PCF11: variants seen among roughly 807,000 people sequenced by gnomAD.
PCF11 encodes the protein PCF11 cleavage and polyadenylation factor subunit, also known as pre-mRNA cleavage complex 2 protein Pcf11.
A neutral mutation model predicts 166.1 loss-of-function variants in PCF11; 19 were observed. The ratio of observed to expected loss-of-function variants is 0.11; its 90% CI spans 0.08 to 0.17. The LOEUF (loss-of-function observed/expected upper bound fraction) is 0.17, where lower values mean the gene tolerates loss of function less well. Ranked by LOEUF, PCF11 falls within the 10% of genes least tolerant of loss-of-function variation. The probability of loss-of-function intolerance (pLI) is 1.00; values close to 1 mark genes in which losing one functional copy is unlikely to be tolerated. For missense variants in PCF11, 1,565 were observed against 1,855.5 expected, an observed-to-expected ratio of 0.84 and a Z score of 2.88; for synonymous variants, 663 against 644.1, an observed-to-expected ratio of 1.03 and a Z score of -0.44.
At chr11:83,168,520 C>A in exon 8 of PCF11, 1 of 1,614,002 alleles carries the variant, frequency 6.2e-7, no homozygotes, top group East Asian at 2.2e-5. Context: ...TGTAGATAGT[C>A]CAGCATCAAG....
intron 9 of PCF11, among the ~76,000 whole-genome samples, chr11:83,174,744 A>G (rs1860816061): frequency 6.6e-6 from 1 of 152,232 alleles, no homozygotes; most frequent in African/African-American, 2.4e-5. Flanking sequence ...TTTCTGGTTA[A>G]AATCCCTGGA....
chr11:83,174,558 T>G (rs547291770), intron 9 of PCF11, among the ~76,000 whole-genome samples: 3 of 152,214 alleles, frequency 2.0e-5, no homozygotes, highest in South Asian at 4.2e-4. Context: ...TTGATTTTTT[T>G]TTTTTGGTTT....
chr11:83,171,701 T>C (rs1240719262), intron 8 of PCF11, 117 bp from the exon 9 acceptor site: 2 of 681,550 alleles, frequency 2.9e-6, no homozygotes, highest in Non-Finnish European at 5.2e-6. Flanking sequence ...TCTTTCTAAA[T>C]CTTTATTTAT....
At chr11:83,157,331 C>G in exon 1 of PCF11, 2 of 1,015,886 alleles carry the variant, frequency 2.0e-6, no homozygotes, top group East Asian at 2.5e-5. Context: ...GTGGTGAAGC[C>G]GGAGCCGCGA....
chr11:83,175,755 A>G (rs1052918057), intron 9 of PCF11, among the ~76,000 whole-genome samples: 8 of 152,150 alleles, frequency 5.3e-5, no homozygotes, highest in Non-Finnish European at 1.0e-4. Context: ...CTCTGTCTCA[A>G]AACAAAAACA....
chr11:83,171,223 T>C (rs1590930743), intron 8 of PCF11: 1 of 427,536 alleles, frequency 2.3e-6, no homozygotes, highest in East Asian at 7.2e-5. Context: ...TTACAAGACC[T>C]TTTACAAGAT....
intron 1 of PCF11, 122 bp from the exon 2 acceptor site, chr11:83,161,205 A>T: frequency 1.4e-6 from 1 of 702,510 alleles, no homozygotes; most frequent in Non-Finnish European, 2.3e-6. Context: ...CATAAAGATT[A>T]CTTCAAAAAT....
At chr11:83,178,982 T>A (rs1860986830) in intron 11 of PCF11, among the ~76,000 whole-genome samples, 1 of 152,118 alleles carries the variant, frequency 6.6e-6, no homozygotes, top group Non-Finnish European at 1.5e-5. Context: ...TAAAAAACAT[T>A]TAAAGATTTT....
At chr11:83,177,382 A>AC (rs2135440630) in intron 10 of PCF11, among the ~76,000 whole-genome samples, 178 bp downstream of exon 10, 1 of 152,296 alleles carries the variant, frequency 6.6e-6, no homozygotes, top group Non-Finnish European at 1.5e-5. Flanking sequence ...CTAAGATTGA[A>AC]CTACCTTATA....
intron 1 of PCF11, among the ~76,000 whole-genome samples, chr11:83,159,364 A>G (rs1057221494): frequency 2.0e-5 from 3 of 152,216 alleles, no homozygotes; most frequent in African/African-American, 4.8e-5. Context: ...AGGCAAAAAC[A>G]TTGATTTTTA....
At chr11:83,168,039 T>C (rs1860534963) in intron 7 of PCF11, 141 bp downstream of exon 7, 1 of 670,738 alleles carries the variant, frequency 1.5e-6, no homozygotes, top group African/African-American at 1.9e-5. Flanking sequence ...TTTTTCCCTT[T>C]AAGGAAAGGG....
chr11:83,184,970 T>A, exon 16 of PCF11: 1 of 935,864 alleles, frequency 1.1e-6, no homozygotes, highest in Non-Finnish European at 1.6e-6. Flanking sequence ...TTTTTTTATG[T>A]ATATATAGAC....
In PCF11 at chr11:83,167,963, C is replaced by A; in HGVS notation, c.2092+458C>A. 8.6e-7 allele frequency: 1 copy of A among 1,165,288 alleles called. No homozygotes were observed. The highest frequency in any genetic ancestry group is 1.1e-6 in the Non-Finnish European group (1 of 909,988). The allele number at this position is 1,165,288 out of a possible 1,614,324, so 72.2% of individuals were successfully genotyped here. On this transcript the variant is annotated intron_variant, in intron 7 of 15. Coordinates refer to ENST00000298281, the Ensembl canonical transcript of PCF11. The surrounding 1 kb of genome is among the most constrained non-coding windows in gnomAD (Gnocchi z 4.2). ...CAGCAGTGAAGGGAAAATGAACAAG[C>A]TAAGTGGGGATGGATTTTTGTGACT...
At chr11:83,165,662 A>G (rs1860421903) in exon 5 of PCF11, 2 of 1,613,746 alleles carry the variant, frequency 1.2e-6, no homozygotes, top group South Asian at 2.2e-5. Flanking sequence ...CACCATCCAA[A>G]TTACATGTTT....
intron 9 of PCF11, among the ~76,000 whole-genome samples, chr11:83,173,730 T>C (rs1860776881): frequency 8.0e-6 from 1 of 124,570 alleles, no homozygotes; most frequent in South Asian, 2.9e-4. Flanking sequence ...TTTTTTTTTT[T>C]TTTTTTTTTT....
intron 9 of PCF11, among the ~76,000 whole-genome samples, chr11:83,174,109 C>T (rs180985172): frequency 6.6e-5 from 10 of 152,188 alleles, no homozygotes; most frequent in Non-Finnish European, 1.2e-4. Context: ...ATAATTATTC[C>T]CCTTGTTAGG....
intron 9 of PCF11, 89 bp from the exon 10 acceptor site, chr11:83,176,996 C>A: frequency 1.0e-6 from 1 of 953,638 alleles, no homozygotes; most frequent in Non-Finnish European, 1.4e-6. Context: ...TTGAAGAAAA[C>A]TTTGAAAAAT....
exon 8 of PCF11, chr11:83,169,396 G>C (rs777465037): frequency 1.1e-5 from 17 of 1,613,860 alleles, no homozygotes; most frequent in Non-Finnish European, 1.4e-5. Context: ...CCTGAGAATT[G>C]AAGGGCCTCT....
chr11:83,157,431 C>A, exon 1 of PCF11: 1 of 1,605,004 alleles, frequency 6.2e-7, no homozygotes, highest in Non-Finnish European at 8.5e-7. Flanking sequence ...GGAGGGGGGC[C>A]GCGGCGCAAT....
Sources: gnomAD v4.1 joint callset for allele counts (sites outside exome capture counted in the v4.1 genomes callset) on GRCh38, gnomAD v4.1.1 for gene constraint, Gnocchi (gnomAD v3.1) non-coding constraint, MANE v1.5 for transcripts, NCBI Gene and HGNC (gene_info 2026-07-23, HGNC 2026-07-21) for gene names.